Variants in KLHL2 observed in about 807,000 individuals in gnomAD.
KLHL2 encodes kelch like family member 2.
In KLHL2, 15 loss-of-function variants were observed where a neutral mutation model predicts 75.8. The observed-to-expected ratio is 0.20, with a 90% CI of 0.13 to 0.30. KLHL2 has a LOEUF of 0.30. KLHL2 is among the 10% of genes least tolerant of loss of function. KLHL2 has a pLI of 1.00. For synonymous variants in KLHL2, 214 were observed against 251.9 expected (o/e 0.85, Z 1.42); for missense variants, 381 against 741.0 (o/e 0.51, Z 5.64).
chr4:165,231,931 T>A (rs1165165714), intron 3 of KLHL2, among the ~76,000 whole-genome samples: 1 of 152,244 alleles, frequency 6.6e-6, no homozygotes, highest in Non-Finnish European at 1.5e-5. Flanking sequence ...TACCGCTTTT[T>A]AAAAAATTAT....
intron 5 of KLHL2, among the ~76,000 whole-genome samples, chr4:165,274,604 G>A (rs868864340): frequency 4.0e-5 from 5 of 125,810 alleles, no homozygotes; most frequent in Non-Finnish European, 6.8e-5. Flanking sequence ...GTGAGACTAC[G>A]TCTCAAAAAA....
At chr4:165,264,678 A>G (rs1277072489) in intron 5 of KLHL2, among the ~76,000 whole-genome samples, 2 of 64,818 alleles carry the variant, frequency 3.1e-5, no homozygotes, top group African/African-American at 4.5e-5. Context: ...ACATACGTAT[A>G]TGTATGTGTG....
chr4:165,277,401 A>G (rs1246550768), intron 5 of KLHL2, among the ~76,000 whole-genome samples: 2 of 152,250 alleles, frequency 1.3e-5, no homozygotes, highest in East Asian at 3.8e-4. Flanking sequence ...TATCCAAGCT[A>G]TGAGAACACT....
At chr4:165,296,822 A>G (rs1313216062) in intron 6 of KLHL2, among the ~76,000 whole-genome samples, 2 of 152,202 alleles carry the variant, frequency 1.3e-5, no homozygotes, top group African/African-American at 4.8e-5. Flanking sequence ...AGAATGAATT[A>G]AAGAGGGGTG....
At chr4:165,265,824 G>A (rs1304116059) in intron 5 of KLHL2, among the ~76,000 whole-genome samples, 1 of 152,118 alleles carries the variant, frequency 6.6e-6, no homozygotes, top group East Asian at 1.9e-4. Flanking sequence ...ATAATGCTTT[G>A]GGTATATACC....
intron 6 of KLHL2, among the ~76,000 whole-genome samples, chr4:165,295,035 CT>C (rs917251635): frequency 4.3e-4 from 66 of 152,296 alleles, no homozygotes; most frequent in African/African-American, 1.6e-3. Context: ...CTCTCCCTCC[CT>C]GCCTCCCTCC....
Position 165,322,374 on chromosome 4 carries a change from G to T in KLHL2, c.*314G>T, listed in dbSNP as rs867898144. On this transcript the variant is annotated 3_prime_UTR_variant, in exon 15 of 15. Coordinates refer to ENST00000226725, the MANE Select transcript of KLHL2 (RefSeq NM_007246.4). Reference sequence around the variant, plus strand: ...TTCTTATCAACCTTGAATGACTACAGATTATTTTGTGAAGGAGGATGAAGT... The same window carrying T: ...TTCTTATCAACCTTGAATGACTACATATTATTTTGTGAAGGAGGATGAAGT... The T allele has an allele frequency of 8.2e-5, 20 of 243,688 alleles. No individual in the cohort carries two copies. The highest frequency in any genetic ancestry group is 1.6e-4 in the Admixed American group (3 of 18,402). The allele number at this position is 243,688 out of a possible 1,614,324, so 15.1% of individuals were successfully genotyped here. A position where few individuals can be genotyped will look rare whatever the true frequency, so the allele number is the denominator to read the frequency against.
At chr4:165,296,940 C>G (rs1383783823) in intron 6 of KLHL2, among the ~76,000 whole-genome samples, 1 of 151,708 alleles carries the variant, frequency 6.6e-6, no homozygotes, top group African/African-American at 2.4e-5. Context: ...TTGCAGAAAT[C>G]AATAAAAGGT....
intron 5 of KLHL2, among the ~76,000 whole-genome samples, chr4:165,277,474 T>A (rs1402433488): frequency 6.6e-6 from 1 of 152,234 alleles, no homozygotes; most frequent in Non-Finnish European, 1.5e-5. Flanking sequence ...GGTGTTTCCG[T>A]CTTCTACTAT....
At chr4:165,247,606 G>A (rs1478574867) in intron 4 of KLHL2, among the ~76,000 whole-genome samples, 1 of 150,762 alleles carries the variant, frequency 6.6e-6, no homozygotes, top group Non-Finnish European at 1.5e-5. Context: ...GATGGGAGCA[G>A]GAAAACTTCT....
At chr4:165,252,227 A>AT (rs373465392) in intron 4 of KLHL2, among the ~76,000 whole-genome samples, 34 of 150,432 alleles carry the variant, frequency 2.3e-4, no homozygotes, top group Middle Eastern at 3.4e-3. Flanking sequence ...TTCAAAGTGG[A>AT]TTTTTTTTTT....
In KLHL2 at chr4:165,319,266, A is replaced by T. The variant is rs1028266995; in HGVS notation, c.1753+1297A>T. ...GTATCTCAGTAAAAAGTTCTCTCTC[A>T]TGGTTCTGCCTTATTTTTCATCATG... is the stretch of plus-strand genomic sequence containing the variant. On this transcript the variant is annotated intron_variant, in intron 14 of 14. Coordinates refer to ENST00000226725, the MANE Select transcript of KLHL2 (RefSeq NM_007246.4). The surrounding 1 kb of genome is among the most constrained non-coding windows in gnomAD (Gnocchi z 4.5). Among the ~76,000 whole-genome samples the T allele has an allele frequency of 8.5e-5, 13 of 152,182 alleles. No homozygotes were observed. Among genetic ancestry groups the T allele is most frequent in the Non-Finnish European group, 1.9e-4 (13 of 68,030 alleles).
chr4:165,300,878 T>C (rs1218320127), intron 8 of KLHL2, among the ~76,000 whole-genome samples: 1 of 152,230 alleles, frequency 6.6e-6, no homozygotes, highest in African/African-American at 2.4e-5. Flanking sequence ...TCTTTCACTT[T>C]AATACTTTAA....
At chr4:165,238,252 G>A (rs543078221) in intron 3 of KLHL2, among the ~76,000 whole-genome samples, 69 of 152,070 alleles carry the variant, frequency 4.5e-4, no homozygotes, top group African/African-American at 1.6e-3. Context: ...TTGTTTTCTC[G>A]TTGTCTCTGG....
chr4:165,231,568 G>A (rs145067972), intron 3 of KLHL2, among the ~76,000 whole-genome samples: 107 of 152,228 alleles, frequency 7.0e-4, no homozygotes, highest in African/African-American at 2.4e-3. Flanking sequence ...AGGTTCATCC[G>A]TGTCATAAAT....
intron 5 of KLHL2, among the ~76,000 whole-genome samples, chr4:165,266,906 T>G (rs928742624): frequency 8.5e-5 from 13 of 152,142 alleles, no homozygotes; most frequent in Non-Finnish European, 1.9e-4. Flanking sequence ...TAAATTACCT[T>G]GGGCAGTATG....
intron 4 of KLHL2, among the ~76,000 whole-genome samples, chr4:165,261,101 C>T (rs1018845477): frequency 1.3e-5 from 2 of 152,204 alleles, no homozygotes; most frequent in African/African-American, 4.8e-5. Context: ...CTGAAGACCA[C>T]TTTCTAAACT....
At position 165,294,531 on chromosome 4, in the gene KLHL2, CT is replaced by C. The variant is rs145366613; in HGVS notation, c.654+71del. ...TTCCCTTTTTTTTTTTTTAATTTCA[CT>C]TTTTTTTATAGCTTTGTGATCCTGT... On this transcript the variant is annotated intron_variant, in intron 6 of 14. Transcript: ENST00000226725. 5.8e-3 allele frequency: 4,842 copies of C among 842,008 alleles called. 234 individuals carry two copies. The East Asian group carries it at 0.1, about 18-fold the overall frequency. 52.2% of individuals were successfully genotyped at this position (842,008 alleles called of 1,614,324 possible).
chr4:165,320,975 A>G (rs566223824), intron 14 of KLHL2, among the ~76,000 whole-genome samples: 1 of 152,340 alleles, frequency 6.6e-6, no homozygotes, highest in South Asian at 2.1e-4. Flanking sequence ...TGTAGAAGCA[A>G]TGTCAGAAAA....
Sources: allele counts gnomAD v4.1 joint callset (sites outside exome capture counted in the v4.1 genomes callset), GRCh38; gene constraint gnomAD v4.1.1; non-coding constraint Gnocchi (gnomAD v3.1); transcripts MANE v1.5; gene names NCBI Gene and HGNC (gene_info 2026-07-23, HGNC 2026-07-21).